SLC35E2B: variants seen among roughly 807,000 people sequenced by gnomAD.
SLC35E2B encodes the protein solute carrier family 35, member E2B.
SLC35E2B carries 18 observed loss-of-function variants against 32.4 expected under a neutral mutation model. The observed-to-expected ratio is 0.56, with a 90% CI of 0.38 to 0.82. The LOEUF (loss-of-function observed/expected upper bound fraction) is 0.82. Ranked by LOEUF, SLC35E2B falls within the 40% of genes least tolerant of loss-of-function variation. The pLI is 0.00. For synonymous variants in SLC35E2B, 132 were observed against 209.1 expected (o/e 0.63, Z 3.18); for missense variants, 263 against 469.5 (o/e 0.56, Z 4.06).
intron 2 of SLC35E2B, among the ~76,000 whole-genome samples, chr1:1,677,333 G>A (rs1034861396): frequency 1.3e-5 from 2 of 150,196 alleles, no homozygotes; most frequent in African/African-American, 2.5e-5. Flanking sequence ...CTTGAGAGAC[G>A]GTCTCCTGGC....
rs758993095 is a variant in SLC35E2B at position 1,675,445 on chromosome 1, G to A, written c.586+18C>T. 3.5e-5 allele frequency: 57 copies of A among 1,611,962 alleles called. 1 individual carries two copies. In the South Asian group the frequency reaches 4.5e-4, roughly 13 times the overall value. ...GATGGTGGGGCGCAGGCGGAGGGGC[G>A]GGGCCCGGGGGCCTCACCTGTGTAC... On this transcript the variant is annotated intron_variant, in intron 5 of 9. Coordinates refer to ENST00000617444, the MANE Select transcript of SLC35E2B (RefSeq NM_001290264.2).
In SLC35E2B at chr1:1,663,436, A is replaced by C; in HGVS notation, c.*2346T>G. ...GGAGTTGCTTTCAATCTGTCCTCAC[A>C]AATCAACAACTCCCCGCCACCTCCA... On this transcript the variant is annotated 3_prime_UTR_variant, in exon 10 of 10. Transcript: ENST00000617444. The C allele has an allele frequency of 1.1e-6, 1 of 951,842 alleles. No homozygotes were observed. The highest frequency in any genetic ancestry group is 5.4e-4 in the Middle Eastern group (1 of 1,852). 59.0% of individuals were successfully genotyped at this position (951,842 alleles called of 1,614,324 possible). A position where few individuals can be genotyped will look rare whatever the true frequency, so the allele number is the denominator to read the frequency against.
chr1:1,692,150 T>TTTG (rs1248951884), intron 1 of SLC35E2B, among the ~76,000 whole-genome samples: 4 of 117,190 alleles, frequency 3.4e-5, no homozygotes, highest in East Asian at 2.4e-4. Context: ...TTTGTGTTTT[T>TTTG]TTGTTGTTGT....
chr1:1,690,307 A>AATAT (rs931886708), intron 2 of SLC35E2B, among the ~76,000 whole-genome samples: 3 of 100,492 alleles, frequency 3.0e-5, no homozygotes, highest in African/African-American at 9.9e-5. Context: ...AACAAAAAAA[A>AATAT]ATATATATAT....
At chr1:1,684,557 C>T (rs190606322) in intron 2 of SLC35E2B, among the ~76,000 whole-genome samples, 2,087 of 152,130 alleles carry the variant, frequency 0.014, 40 homozygotes, top group African/African-American at 0.047. Flanking sequence ...TGTGGGAGGC[C>T]GAGGCGGGTG....
chr1:1,669,767 G>C (rs1164189449), intron 7 of SLC35E2B, 31 bp from the exon 8 acceptor site: 4 of 1,547,752 alleles, frequency 2.6e-6, no homozygotes, highest in East Asian at 4.9e-5. Flanking sequence ...TGGGCCCCCC[G>C]TGTCGGGACA....
chr1:1,675,365 C>A (rs542855043), intron 5 of SLC35E2B, 98 bp downstream of exon 5: 1 of 784,584 alleles, frequency 1.3e-6, no homozygotes, highest in African/African-American at 1.8e-5. Flanking sequence ...GAGTGGTCCT[C>A]GCGGCAGAGC....
chr1:1,679,152 C>G (rs567796900), intron 2 of SLC35E2B, among the ~76,000 whole-genome samples: 63 of 152,298 alleles, frequency 4.1e-4, no homozygotes, highest in Non-Finnish European at 7.5e-4. Context: ...AAACCAAATT[C>G]ATTTACATGG....
chr1:1,675,131 C>T (rs1369054015), intron 5 of SLC35E2B, among the ~76,000 whole-genome samples: 1 of 150,232 alleles, frequency 6.7e-6, no homozygotes, highest in Admixed American at 6.6e-5. Flanking sequence ...AGGCGGCCCC[C>T]ACCCGTCCTC....
At position 1,692,611 on chromosome 1, in the gene SLC35E2B, T is replaced by A. The variant is rs1318759648; in HGVS notation, c.-728A>T. 1.0e-6 allele frequency: 1 copy of A among 983,626 alleles called. No individual in the cohort carries two copies. Among genetic ancestry groups the A allele is most frequent in the Non-Finnish European group, 1.2e-6 (1 of 828,704 alleles). 60.9% of individuals were successfully genotyped at this position (983,626 alleles called of 1,614,324 possible). A position where few individuals can be genotyped will look rare whatever the true frequency, so the allele number is the denominator to read the frequency against. On this transcript the variant is annotated 5_prime_UTR_variant, in exon 1 of 10. Coordinates refer to ENST00000617444, the MANE Select transcript of SLC35E2B (RefSeq NM_001290264.2). ...TCGGCACTGGGGAGTGGCACAGCGC[T>A]GGCGGATCCAGGTGGGCTTCACGGG...
intron 6 of SLC35E2B, 131 bp downstream of exon 6, chr1:1,671,378 G>T: frequency 9.5e-7 from 1 of 1,054,596 alleles, no homozygotes; most frequent in Non-Finnish European, 1.2e-6. Context: ...TGCTCTTTAG[G>T]AAAGGGCAGC....
At chr1:1,671,189 C>G (rs1643677942) in intron 6 of SLC35E2B, 1 of 181,872 alleles carries the variant, frequency 5.5e-6, no homozygotes, top group Admixed American at 6.3e-5. Context: ...GGGACTGTCC[C>G]TGCTCTGGCA....
chr1:1,681,135 T>C (rs1373755126), intron 2 of SLC35E2B, among the ~76,000 whole-genome samples: 1 of 152,078 alleles, frequency 6.6e-6, no homozygotes, highest in Admixed American at 6.6e-5. Context: ...GGCTGGAAAT[T>C]CCTGACGGTA....
chr1:1,680,038 A>G (rs1643887555), intron 2 of SLC35E2B, among the ~76,000 whole-genome samples: 1 of 151,918 alleles, frequency 6.6e-6, no homozygotes, highest in African/African-American at 2.4e-5. Context: ...GAGGCAGGAG[A>G]ATCGCTTGAA....
chr1:1,666,485 C>T (rs1208212715), intron 9 of SLC35E2B, among the ~76,000 whole-genome samples: 1 of 152,158 alleles, frequency 6.6e-6, no homozygotes, highest in Non-Finnish European at 1.5e-5. Context: ...CTGGGCCTCC[C>T]ACAGAGCTGG....
At chr1:1,675,261 G>A (rs1643812539) in intron 5 of SLC35E2B, among the ~76,000 whole-genome samples, 1 of 150,002 alleles carries the variant, frequency 6.7e-6, no homozygotes, top group Admixed American at 6.6e-5. Context: ...CCGCATGCCA[G>A]TGTGAGAATA....
chr1:1,668,076 C>A (rs1201288594), intron 9 of SLC35E2B, among the ~76,000 whole-genome samples: 1 of 152,056 alleles, frequency 6.6e-6, no homozygotes, highest in African/African-American at 2.4e-5. Context: ...TGGTCTTGAA[C>A]TACTGACCTC....
At chr1:1,681,586 A>G (rs1347062323) in intron 2 of SLC35E2B, among the ~76,000 whole-genome samples, 1 of 151,172 alleles carries the variant, frequency 6.6e-6, no homozygotes, top group Admixed American at 6.6e-5. Flanking sequence ...AGCTCACCGT[A>G]GCCCCCACTT....
At chr1:1,681,853 C>T (rs1300522343) in intron 2 of SLC35E2B, among the ~76,000 whole-genome samples, 4 of 150,754 alleles carry the variant, frequency 2.7e-5, no homozygotes, top group Admixed American at 1.3e-4. Context: ...GGCGTGGTGG[C>T]GGGCGCCTGT....
Sources: allele counts gnomAD v4.1 joint callset (sites outside exome capture counted in the v4.1 genomes callset), GRCh38; gene constraint gnomAD v4.1.1; transcripts MANE v1.5; gene names NCBI Gene and HGNC (gene_info 2026-07-23, HGNC 2026-07-21).